The following TENM1 variants were observed in gnomAD, a reference collection of about 807,000 sequenced individuals.
TENM1 encodes teneurin-1.
In TENM1, 35 loss-of-function variants were observed where a neutral mutation model predicts 174.8. The ratio of observed to expected loss-of-function variants is 0.20; its 90% CI spans 0.15 to 0.27. TENM1 has a LOEUF of 0.27. Among genes scored for constraint, TENM1 ranks in the 10% least tolerant of loss-of-function variants. The pLI, the probability that TENM1 is intolerant of heterozygous loss-of-function variation, is 1.00. For missense variants in TENM1, 1,633 were observed against 2,130.1 expected (o/e 0.77, Z 4.59); for synonymous variants, 781 against 798.7 (o/e 0.98, Z 0.37).
At chrX:124,695,543 C>T (rs1303604935) in intron 5 of TENM1, among the ~76,000 whole-genome samples, 4 of 111,027 alleles carry the variant, frequency 3.6e-5, no homozygotes, top group Non-Finnish European at 7.6e-5. Flanking sequence ...GCCTCATTAG[C>T]GAGAATGCTA....
chrX:124,938,006 G>C (rs944615726), intron 1 of TENM1, among the ~76,000 whole-genome samples: 3 of 111,402 alleles, frequency 2.7e-5, no homozygotes, highest in Non-Finnish European at 5.7e-5. Context: ...CTGAAATTTA[G>C]CCAAAATATT....
intron 4 of TENM1, among the ~76,000 whole-genome samples, chrX:124,716,798 G>T (rs1459493053): frequency 9.0e-6 from 1 of 111,643 alleles, no homozygotes. Context: ...ATGGGCATGT[G>T]TATAACTCCC....
chrX:125,108,613 C>A, the TENM1 span, among the ~76,000 whole-genome samples: 1 of 109,046 alleles, frequency 9.2e-6, no homozygotes, highest in Non-Finnish European at 1.9e-5. Flanking sequence ...ACAAGAGTTG[C>A]TTGACCCCAG....
intron 1 of TENM1, among the ~76,000 whole-genome samples, chrX:124,940,175 A>G (rs2058305344): frequency 9.0e-6 from 1 of 111,637 alleles, no homozygotes; most frequent in Admixed American, 9.5e-5. Context: ...CCTGGCCACA[A>G]GTGATTGATG....
chrX:125,100,502 A>C, the TENM1 span, among the ~76,000 whole-genome samples: 13 of 112,344 alleles, frequency 1.2e-4, 1 homozygote, highest in Non-Finnish European at 2.4e-4. Flanking sequence ...ATGTATTTCT[A>C]GTCTTAAAAT....
At chrX:125,115,435 G>C in the TENM1 span, among the ~76,000 whole-genome samples, 1 of 111,399 alleles carries the variant, frequency 9.0e-6, no homozygotes, top group East Asian at 2.8e-4. Context: ...AATACGAAGA[G>C]AGGAAGTCAA....
At chrX:124,831,624 A>G (rs979491706) in intron 3 of TENM1, among the ~76,000 whole-genome samples, 1 of 111,923 alleles carries the variant, frequency 8.9e-6, no homozygotes, top group African/African-American at 3.2e-5. Flanking sequence ...TAAACCTTGG[A>G]AGTACTTTAA....
At chrX:124,471,139 A>C (rs1422986373) in intron 22 of TENM1, among the ~76,000 whole-genome samples, 1 of 83,521 alleles carries the variant, frequency 1.2e-5, no homozygotes, top group Admixed American at 1.7e-4. Context: ...AATATATAGT[A>C]ATATATAATA....
intron 3 of TENM1, among the ~76,000 whole-genome samples, chrX:124,789,545 C>T (rs1304509143): frequency 9.0e-6 from 1 of 111,591 alleles, no homozygotes; most frequent in East Asian, 2.8e-4. Context: ...TTAGAAATTT[C>T]ATCCACCAGA....
chrX:124,778,719 T>C (rs1393849596), intron 3 of TENM1, among the ~76,000 whole-genome samples: 1 of 112,005 alleles, frequency 8.9e-6, no homozygotes, highest in East Asian at 2.8e-4. Context: ...TTACAAATTT[T>C]ACATTTTAAT....
intron 2 of TENM1, among the ~76,000 whole-genome samples, chrX:124,894,692 G>A (rs970724932): frequency 1.8e-5 from 2 of 111,177 alleles, no homozygotes; most frequent in African/African-American, 6.5e-5. Context: ...TGTCCAGAGT[G>A]AGATGAAGGA....
rs2048940555 is a variant in TENM1 at position 124,566,306 on chromosome X, C to T, written c.2078-746G>A. Among the ~76,000 whole-genome samples, 4 of 112,415 alleles carry T rather than the reference C, an allele frequency of 3.6e-5. No homozygotes were observed. In the South Asian group the frequency reaches 1.5e-3, roughly 41 times the overall value. ...AACCCTGGTTGATTAAAGTACACATCCTTCTTATCTTCAAATGCTACTAAG... is the reference window on the plus strand; with the variant it reads ...AACCCTGGTTGATTAAAGTACACATTCTTCTTATCTTCAAATGCTACTAAG... On this transcript the variant is annotated intron_variant, in intron 11 of 31. Coordinates refer to ENST00000422452, the Ensembl canonical transcript of TENM1.
intron 11 of TENM1, among the ~76,000 whole-genome samples, chrX:124,571,114 T>C (rs953778145): frequency 2.5e-4 from 28 of 111,675 alleles, no homozygotes; most frequent in African/African-American, 8.1e-4. Context: ...AAAGCAAGAC[T>C]CAATAAATGC....
chrX:124,725,119 G>A (rs948787249), intron 4 of TENM1, among the ~76,000 whole-genome samples: 2 of 111,069 alleles, frequency 1.8e-5, no homozygotes, highest in Non-Finnish European at 3.8e-5. Context: ...GGCAGACTAG[G>A]AAGACTCCTA....
chrX:124,824,492 G>A (rs949874101), intron 3 of TENM1, among the ~76,000 whole-genome samples: 7 of 112,012 alleles, frequency 6.2e-5, no homozygotes, highest in Non-Finnish European at 9.4e-5. Flanking sequence ...AGTAAAAGAA[G>A]GAGTGCCACA....
At chrX:124,401,220 CG>C (rs1269697153) in intron 27 of TENM1, among the ~76,000 whole-genome samples, 1 of 111,142 alleles carries the variant, frequency 9.0e-6, no homozygotes, top group Non-Finnish European at 1.9e-5. Flanking sequence ...GAGGTGTGAT[CG>C]GCAGCTTTTG....
chrX:125,106,689 G>A, the TENM1 span, among the ~76,000 whole-genome samples: 9 of 112,267 alleles, frequency 8.0e-5, no homozygotes, highest in African/African-American at 2.9e-4. Context: ...GATCATAGGC[G>A]TGAGCCACTG....
rs768989203 is a variant in TENM1, at chrX:124,652,168, C to A, written c.1369-44G>T. 15 of 1,178,080 alleles carry A rather than the reference C, an allele frequency of 1.3e-5. No individual in the cohort carries two copies. The Admixed American group carries it at 1.9e-4, about 15-fold the overall frequency. On this transcript the variant is annotated intron_variant, in intron 7 of 31. Transcript: ENST00000422452. Reference sequence around the variant, plus strand: ...TGAAGATGAGCCACTACTTTTTCTTCTAGACTGATAAACATCCCTAACTTC... The same window carrying A: ...TGAAGATGAGCCACTACTTTTTCTTATAGACTGATAAACATCCCTAACTTC...
intron 11 of TENM1, among the ~76,000 whole-genome samples, chrX:124,592,488 T>C (rs1475349211): frequency 9.7e-6 from 1 of 103,108 alleles, no homozygotes; most frequent in Non-Finnish European, 2.0e-5. Flanking sequence ...CAGGCTAGAG[T>C]GTAGTAGTAC....
Sources: gnomAD v4.1 joint callset for allele counts (sites outside exome capture counted in the v4.1 genomes callset) on GRCh38, gnomAD v4.1.1 for gene constraint, MANE v1.5 for transcripts, NCBI Gene and HGNC (gene_info 2026-07-23, HGNC 2026-07-21) for gene names.